BTNL3: variants seen among roughly 807,000 people sequenced by gnomAD.
BTNL3 encodes butyrophilin-like protein 3.
A neutral mutation model predicts 40.1 loss-of-function variants in BTNL3; 20 were observed. The ratio of observed to expected loss-of-function variants is 0.50; its 90% CI spans 0.35 to 0.72. The LOEUF (loss-of-function observed/expected upper bound fraction) is 0.72. Ranked by LOEUF, BTNL3 falls within the 30% of genes least tolerant of loss-of-function variation. The probability of loss-of-function intolerance (pLI) is 0.01; values close to 1 mark genes in which losing one functional copy is unlikely to be tolerated. For synonymous variants in BTNL3, 179 were observed against 222.1 expected, an observed-to-expected ratio of 0.81 and a Z score of 1.73; for missense variants, 449 against 582.2, an observed-to-expected ratio of 0.77 and a Z score of 2.35.
intron 3 of BTNL3, among the ~76,000 whole-genome samples, chr5:181,000,861 C>T (rs532205826): frequency 7.4e-6 from 1 of 135,254 alleles, no homozygotes; most frequent in Admixed American, 7.8e-5. Context: ...AAAATAAAAT[C>T]ATAACATAAG....
At chr5:181,000,146 T>C (rs2113083098) in intron 3 of BTNL3, among the ~76,000 whole-genome samples, 1 of 136,724 alleles carries the variant, frequency 7.3e-6, no homozygotes, top group African/African-American at 2.5e-5. Flanking sequence ...TTACCAAAAA[T>C]TTTGCAAGTA....
intron 1 of BTNL3, 95 bp from the exon 2 acceptor site, chr5:180,992,718 C>A (rs1759984701): frequency 2.2e-6 from 3 of 1,335,180 alleles, no homozygotes; most frequent in African/African-American, 1.4e-5. Flanking sequence ...ACTGATGGAT[C>A]CCCCACCCCA....
In BTNL3 at chr5:180,995,642, T is replaced by A. The variant is rs908353788; in HGVS notation, c.398-1571T>A. 3.7e-5 allele frequency among the ~76,000 whole-genome samples: 5 copies of A among 136,896 alleles called. 1 individual carries two copies. The highest frequency in any genetic ancestry group is 8.4e-5 in the Non-Finnish European group (5 of 59,828). 89.8% of individuals were successfully genotyped at this position (136,896 alleles called of 152,430 possible). ...GTTTCTTGTGAGAGAGGTGATCATC[T>A]GGCATAGTGGGAAAAAGTACTCTTC... On this transcript the variant is annotated intron_variant, in intron 2 of 7. Transcript: ENST00000342868.
rs1250377141 is a variant in BTNL3, at chr5:180,995,468, G to C, written c.398-1745G>C. Among the ~76,000 whole-genome samples the C allele has an allele frequency of 2.9e-5, 4 of 136,488 alleles. 1 individual carries two copies. The highest frequency in any genetic ancestry group is 2.3e-4 in the Admixed American group (3 of 12,912). 89.5% of individuals were successfully genotyped at this position (136,488 alleles called of 152,430 possible). The stretch of plus-strand genomic sequence containing the variant: ...ACTCAGGTCCTAGTCTATTTTTGGT[G>C]GTTGTGGCTCCAAATACAATTTAAT... On this transcript the variant is annotated intron_variant, in intron 2 of 7. Coordinates refer to ENST00000342868, the MANE Select transcript of BTNL3 (RefSeq NM_197975.3).
At position 180,995,618 on chromosome 5, in the gene BTNL3, T is replaced by C. The variant is rs1760026014; in HGVS notation, c.398-1595T>C. Among the ~76,000 whole-genome samples the C allele has an allele frequency of 1.5e-5, 2 of 137,084 alleles. 1 individual carries two copies. The highest frequency in any genetic ancestry group is 1.5e-4 in the Admixed American group (2 of 12,972). The allele number at this position is 137,084 out of a possible 152,430, so 89.9% of individuals were successfully genotyped here. A position where few individuals can be genotyped will look rare whatever the true frequency, so the allele number is the denominator to read the frequency against. On this transcript the variant is annotated intron_variant, in intron 2 of 7. Transcript: ENST00000342868. ...TGTTTTCCCATGTTGCTCCTCACTG[T>C]TTCTTGTGAGAGAGGTGATCATCTG...
chr5:181,005,688 G>A lies in BTNL3; in HGVS notation c.1217G>A (p.Arg406Gln), dbSNP rs375825455. 1.6e-5 allele frequency: 26 copies of A among 1,613,934 alleles called. No individual in the cohort carries two copies. The highest frequency in any genetic ancestry group is 2.2e-5 in the East Asian group (1 of 44,890). Reference protein sequence around the residue: ...ISLPPSTPPTRVGVFLDYEGG... With the variant: ...ISLPPSTPPTQVGVFLDYEGG... ...CTCCCCCCCAGCACCCCTCCTACAC[G>A]AGTAGGGGTCTTCCTGGACTATGAG... The change falls in exon 8 of 8, where the codon CGA (arginine) becomes CAA (glutamine). Residue 406 changes from arginine to glutamine, a missense_variant. Coordinates refer to ENST00000342868, the MANE Select transcript of BTNL3 (RefSeq NM_197975.3).
intron 3 of BTNL3, among the ~76,000 whole-genome samples, chr5:181,001,501 G>T (rs1405540336): frequency 3.7e-5 from 2 of 53,652 alleles, no homozygotes; most frequent in South Asian, 8.5e-4. Flanking sequence ...TTTTATAGAT[G>T]GGGGGGGGTC....
rs572738794 is a variant in BTNL3, at chr5:181,005,432, T to C, written c.961T>C (p.Ser321Pro). The change falls in exon 8 of 8, where the codon TCT becomes CCT. Residue 321 changes from serine to proline, a missense_variant. Ser to Pro is a moderately conservative substitution (Grantham distance 74, BLOSUM62 -1). Around this residue, in one of 2 missense-constraint regions of BTNL3, gnomAD observed 323 missense variants for 464.9 expected, o/e 0.69. Coordinates refer to ENST00000342868, the MANE Select transcript of BTNL3 (RefSeq NM_197975.3). ...AAAAGCTCCCCAGGAGGTGCCTCAC[T>C]CTGAGAAGAGATTTACAAGGAAGAG... is the stretch of plus-strand genomic sequence containing the variant. The part of the protein sequence containing the change: ...HRKAPQEVPH[S>P]EKRFTRKSVV... 8.1e-6 allele frequency: 13 copies of C among 1,614,066 alleles called. No homozygotes were observed. The East Asian group carries it at 2.9e-4, about 36-fold the overall frequency.
chr5:181,000,610 T>A (rs1437305255), intron 3 of BTNL3, among the ~76,000 whole-genome samples: 1 of 132,870 alleles, frequency 7.5e-6, no homozygotes, highest in Non-Finnish European at 1.7e-5. Context: ...ATCGAGACCA[T>A]CCTGGCTAAC....
intron 2 of BTNL3, among the ~76,000 whole-genome samples, chr5:180,994,689 T>C (rs1214765506): frequency 7.3e-6 from 1 of 136,436 alleles, no homozygotes; most frequent in African/African-American, 2.5e-5. Flanking sequence ...TATTGTCTCA[T>C]AGGTCCTTGA....
intron 3 of BTNL3, among the ~76,000 whole-genome samples, chr5:181,000,150 G>T (rs1402593784): frequency 7.3e-6 from 1 of 136,466 alleles, no homozygotes; most frequent in Non-Finnish European, 1.7e-5. Context: ...CAAAAATTTT[G>T]CAAGTAGAAA....
intron 1 of BTNL3, among the ~76,000 whole-genome samples, chr5:180,990,696 A>G (rs1759957698): frequency 7.2e-6 from 1 of 138,012 alleles, no homozygotes; most frequent in South Asian, 2.1e-4. Flanking sequence ...AGCCCAGCTG[A>G]CAGGCTGGGT....
In BTNL3 at chr5:181,005,674, C is replaced by T; in HGVS notation, c.1203C>T (p.Ser401=). The T allele has an allele frequency of 1.2e-6, 2 of 1,614,136 alleles. No homozygotes were observed. Among genetic ancestry groups the T allele is most frequent in the Non-Finnish European group, 8.5e-7 (1 of 1,180,010 alleles). ...FNPHFISLPP[S]TPPTRVGVFL... is the part of the protein sequence containing the mutation. Reference sequence around the variant, plus strand: ...CCCATTTTATCAGCCTCCCCCCCAGCACCCCTCCTACACGAGTAGGGGTCT... The same window carrying T: ...CCCATTTTATCAGCCTCCCCCCCAGTACCCCTCCTACACGAGTAGGGGTCT... Residue 401 remains serine, a synonymous_variant, in exon 8 of 8, where the codon AGC becomes AGT. Coordinates refer to ENST00000342868, the MANE Select transcript of BTNL3 (RefSeq NM_197975.3).
At chr5:180,997,163 T>C in intron 2 of BTNL3, 50 bp from the exon 3 acceptor site, 1 of 1,461,316 alleles carries the variant, frequency 6.8e-7, no homozygotes, top group Non-Finnish European at 9.4e-7. Flanking sequence ...CAAAATGCTG[T>C]AAGCTTGAAA....
intron 3 of BTNL3, among the ~76,000 whole-genome samples, chr5:181,000,225 A>G (rs1359557065): frequency 7.3e-6 from 1 of 137,222 alleles, no homozygotes; most frequent in African/African-American, 2.5e-5. Flanking sequence ...CAACATGGGA[A>G]CATATATTAA....
intron 7 of BTNL3, 125 bp from the exon 8 acceptor site, chr5:181,005,209 G>C (rs1760198288): frequency 6.6e-7 from 1 of 1,511,594 alleles, no homozygotes; most frequent in African/African-American, 1.4e-5. Context: ...TACATGGCTG[G>C]TGGGATAGTG....
chr5:180,990,092 G>A (rs1342879231), intron 1 of BTNL3, among the ~76,000 whole-genome samples: 1 of 136,860 alleles, frequency 7.3e-6, no homozygotes, highest in East Asian at 2.2e-4. Flanking sequence ...CCCAGGAGGC[G>A]GAGGTTGCAG....
chr5:181,006,310 T>C lies in BTNL3; in HGVS notation c.*438T>C, dbSNP rs1760230682. On this transcript the variant is annotated 3_prime_UTR_variant, in exon 8 of 8. Coordinates refer to ENST00000342868, the MANE Select transcript of BTNL3 (RefSeq NM_197975.3). Reference sequence around the variant, plus strand: ...GGTTTGAGGGCACAGTGTTTGCTAATGATGTGTTTTTATATTATACATTTT... The same window carrying C: ...GGTTTGAGGGCACAGTGTTTGCTAACGATGTGTTTTTATATTATACATTTT... 3.2e-6 allele frequency: 1 copy of C among 315,654 alleles called. No individual in the cohort carries two copies. The highest frequency in any genetic ancestry group is 5.7e-6 in the Non-Finnish European group (1 of 174,684). 19.6% of individuals were successfully genotyped at this position (315,654 alleles called of 1,614,324 possible). A position where few individuals can be genotyped will look rare whatever the true frequency, so the allele number is the denominator to read the frequency against.
At position 181,002,843 on chromosome 5, in the gene BTNL3, T is replaced by A. The variant is rs368398992; in HGVS notation, c.787+58T>A. 33 of 1,418,566 alleles carry A rather than the reference T, an allele frequency of 2.3e-5. 7 individuals are homozygous for A. Among genetic ancestry groups the A allele is most frequent in the East Asian group, 1.8e-4 (7 of 37,914 alleles). The allele number at this position is 1,418,566 out of a possible 1,614,324, so 87.9% of individuals were successfully genotyped here. On this transcript the variant is annotated intron_variant, in intron 4 of 7. Transcript: ENST00000342868. The stretch of plus-strand genomic sequence containing the variant: ...TTCTTCATGGTTCCAGTGGAGCTGA[T>A]ATCAGGCTGCCCTCACACACCTCTG...
Sources: allele counts gnomAD v4.1 joint callset (sites outside exome capture counted in the v4.1 genomes callset), GRCh38; gene constraint gnomAD v4.1.1; regional missense constraint gnomAD v4.1.1; transcripts MANE v1.5; gene names NCBI Gene and HGNC (gene_info 2026-07-23, HGNC 2026-07-21).